The following DDX52 variants were observed in gnomAD, a reference collection of about 807,000 sequenced individuals.
The protein encoded by DDX52 is DExD-box helicase 52, also known as probable ATP-dependent RNA helicase DDX52.
DDX52 carries 59 observed loss-of-function variants against 76.1 expected under a neutral mutation model. The ratio of observed to expected loss-of-function variants is 0.78; its 90% confidence interval spans 0.63 to 0.96. The LOEUF (loss-of-function observed/expected upper bound fraction) is 0.96. DDX52 is among the 40% of genes least tolerant of loss of function. The pLI, the probability that DDX52 is intolerant of heterozygous loss-of-function variation, is 0.00. For missense variants in DDX52, 707 were observed against 703.9 expected (o/e 1.00, Z -0.05); for synonymous variants, 231 against 244.1 (o/e 0.95, Z 0.50).
At chr17:37,641,266 G>A (rs2031184654) in intron 2 of DDX52, among the ~76,000 whole-genome samples, 2 of 152,036 alleles carry the variant, frequency 1.3e-5, no homozygotes, top group Non-Finnish European at 2.9e-5. Context: ...GCCAGGTGTG[G>A]TGGCAGGCAC....
rs1184943770 is a variant in DDX52 at position 37,619,851 on chromosome 17, A to G, written c.1578-12T>C. The G allele has an allele frequency of 1.2e-6, 2 of 1,611,618 alleles. No homozygotes were observed. The highest frequency in any genetic ancestry group is 1.7e-6 in the Non-Finnish European group (2 of 1,179,328). On this transcript the variant is annotated splice_polypyrimidine_tract_variant and intron_variant, in intron 12 of 14. Transcript: ENST00000617633. ...TAACATTAGCAACGCTGAAAAAGAA[A>G]CCCATAAACATAAACTTGTATCTTT...
chr17:37,642,074 TA>T (rs778464950), intron 2 of DDX52, 35 bp downstream of exon 2: 9 of 1,606,720 alleles, frequency 5.6e-6, no homozygotes, highest in Non-Finnish European at 6.8e-6. Flanking sequence ...TGAAAAAAAT[TA>T]AAGAGAAAAA....
intron 2 of DDX52, among the ~76,000 whole-genome samples, chr17:37,640,899 A>C (rs1021792129): frequency 6.6e-6 from 1 of 151,900 alleles, no homozygotes; most frequent in Admixed American, 6.6e-5. Context: ...CAGAAGAATC[A>C]CTTGAACCTG....
At position 37,628,565 on chromosome 17, in the gene DDX52, CT is replaced by C; in HGVS notation, c.854del (p.Lys285SerfsTer6). On this transcript the variant is annotated frameshift_variant, in exon 6 of 15. Coordinates refer to ENST00000617633, the MANE Select transcript of DDX52 (RefSeq NM_007010.5). LOFTEE classifies it high-confidence loss of function. ...AKKFGPKSSK[K>X]FDILVTTPNR... ...TCCCATGTATGAATTCCTTACCAAA[CT>C]TTTTAGATGATTTAGGTCCAAATTT... The C allele has an allele frequency of 1.2e-6, 2 of 1,611,574 alleles. No individual in the cohort carries two copies. The highest frequency in any genetic ancestry group is 8.5e-7 in the Non-Finnish European group (1 of 1,179,066).
intron 2 of DDX52, among the ~76,000 whole-genome samples, chr17:37,634,140 G>A (rs896689594): frequency 6.6e-6 from 1 of 151,054 alleles, no homozygotes; most frequent in African/African-American, 2.4e-5. Context: ...GTAGAGACGA[G>A]GTTTCACCAT....
chr17:37,638,782 T>C (rs1409929754), intron 2 of DDX52, among the ~76,000 whole-genome samples: 2 of 149,804 alleles, frequency 1.3e-5, no homozygotes, highest in East Asian at 3.9e-4. Flanking sequence ...TTTTTTTTTT[T>C]TTTTTGAGAC....
intron 7 of DDX52, 104 bp downstream of exon 7, chr17:37,626,684 G>T (rs2030391172): frequency 9.0e-7 from 1 of 1,110,126 alleles, no homozygotes; most frequent in Non-Finnish European, 1.3e-6. Context: ...GACTGAAGGT[G>T]GCAAACAGCA....
At chr17:37,629,090 G>C (rs574214539) in intron 5 of DDX52, among the ~76,000 whole-genome samples, 2 of 152,044 alleles carry the variant, frequency 1.3e-5, no homozygotes, top group African/African-American at 4.8e-5. Context: ...GTGTGATGGT[G>C]CGCACCTGTA....
rs181516557 is a variant in DDX52, at chr17:37,630,198, A to G, written c.604-25T>C. Reference sequence around the variant, plus strand: ...CCTAAAAACATAGGGTATATTAAATACTACAAAGAAAGTACATAAATTTTT... The same window carrying G: ...CCTAAAAACATAGGGTATATTAAATGCTACAAAGAAAGTACATAAATTTTT... On this transcript the variant is annotated intron_variant, in intron 4 of 14. Transcript: ENST00000617633. 1.7e-5 allele frequency: 27 copies of G among 1,553,042 alleles called. No homozygotes were observed. The East Asian group carries it at 5.9e-4, about 34-fold the overall frequency.
intron 9 of DDX52, among the ~76,000 whole-genome samples, chr17:37,622,101 C>T (rs1378475163): frequency 6.6e-6 from 1 of 151,956 alleles, no homozygotes. Flanking sequence ...GTCCTTGGTT[C>T]TCAGTTCTTT....
intron 7 of DDX52, 31 bp downstream of exon 7, chr17:37,626,757 C>T: frequency 3.8e-6 from 6 of 1,582,096 alleles, no homozygotes; most frequent in South Asian, 2.3e-5. Context: ...ATTAAAAATA[C>T]ACACGAAAGA....
At chr17:37,619,897 T>C (rs1179999923) in intron 12 of DDX52, 58 bp from the exon 13 acceptor site, 1 of 1,551,574 alleles carries the variant, frequency 6.4e-7, no homozygotes, top group Non-Finnish European at 8.8e-7. Flanking sequence ...TGTTTATGAA[T>C]GTAAACCCTC....
At chr17:37,621,320 A>C (rs777319656) in intron 10 of DDX52, 43 bp from the exon 11 acceptor site, 2 of 1,594,234 alleles carry the variant, frequency 1.3e-6, no homozygotes, top group Non-Finnish European at 1.7e-6. Flanking sequence ...GAATGAAAAC[A>C]GGTACTTCAT....
intron 5 of DDX52, among the ~76,000 whole-genome samples, chr17:37,629,729 T>TA (rs977884063): frequency 6.6e-6 from 1 of 152,152 alleles, no homozygotes; most frequent in Non-Finnish European, 1.5e-5. Flanking sequence ...TCATTTTTTT[T>TA]AGATGAGAAA....
rs945293936 is a variant in DDX52 at position 37,624,176 on chromosome 17, A to C, written c.1227+168T>G. ...ACTCCTAGATTACTAAATACGATGC[A>C]GGATGATCATATAGTTAGCACAATG... is the stretch of plus-strand genomic sequence containing the variant. On this transcript the variant is annotated intron_variant, in intron 9 of 14. Coordinates refer to ENST00000617633, the MANE Select transcript of DDX52 (RefSeq NM_007010.5). 5 of 437,198 alleles carry C rather than the reference A, an allele frequency of 1.1e-5. 1 individual carries two copies. In the East Asian group the frequency reaches 1.8e-4, roughly 16 times the overall value. The allele number at this position is 437,198 out of a possible 1,614,324, so 27.1% of individuals were successfully genotyped here.
intron 9 of DDX52, among the ~76,000 whole-genome samples, chr17:37,622,516 G>C (rs1020602275): frequency 1.3e-5 from 2 of 151,748 alleles, no homozygotes; most frequent in Admixed American, 1.3e-4. Context: ...GGCTGGTCTC[G>C]AACTGCTGAC....
rs149792944 is a variant in DDX52 at position 37,628,494 on chromosome 17, A to AT, written c.859+66dup. 3,118 of 1,295,134 alleles carry AT rather than the reference A, an allele frequency of 2.4e-3. 61 individuals carry two copies. In the African/African-American group the frequency reaches 0.041, roughly 17 times the overall value. The allele number at this position is 1,295,134 out of a possible 1,614,324, so 80.2% of individuals were successfully genotyped here. A position where few individuals can be genotyped will look rare whatever the true frequency, so the allele number is the denominator to read the frequency against. On this transcript the variant is annotated intron_variant, in intron 6 of 14. Transcript: ENST00000617633. ...ATACTTTAACAACACTTACATAGCA[A>AT]TTAGGATATTTATAATTTCCAGATT...
chr17:37,626,078 T>C lies in DDX52; in HGVS notation c.953A>G (p.Asp318Gly). 6.2e-7 allele frequency: 1 copy of C among 1,614,140 alleles called. No homozygotes were observed. The highest frequency in any genetic ancestry group is 8.5e-7 in the Non-Finnish European group (1 of 1,180,014). Residue 318 changes from aspartate to glycine, a missense_variant, in exon 8 of 15, where the codon GAC (aspartate) becomes GGC (glycine). By Grantham distance (94) the Asp-to-Gly change is moderately conservative. Transcript: ENST00000617633. The stretch of plus-strand genomic sequence containing the variant: ...ATCTTCAAACAGTTTATCTGATTCG[T>C]CTACTACAAGCCACTCAACACTAAG... ...DLASVEWLVV[D>G]ESDKLFEDGK... is the part of the protein sequence containing the mutation.
intron 7 of DDX52, 65 bp from the exon 8 acceptor site, chr17:37,626,163 T>G: frequency 6.5e-7 from 1 of 1,546,212 alleles, no homozygotes; most frequent in Admixed American, 1.7e-5. Context: ...CACTAAACTG[T>G]GGGGACAGTG....
Sources: gnomAD v4.1 joint callset for allele counts (sites outside exome capture counted in the v4.1 genomes callset) on GRCh38, gnomAD v4.1.1 for gene constraint, MANE v1.5 for transcripts, NCBI Gene and HGNC (gene_info 2026-07-23, HGNC 2026-07-21) for gene names.